EYS: variants seen among roughly 807,000 people sequenced by gnomAD.
EYS encodes the protein protein eyes shut homolog.
Under a neutral mutation model 282.1 loss-of-function variants are expected in EYS, and 250 were observed. The ratio of observed to expected loss-of-function variants is 0.89; its 90% CI spans 0.80 to 0.98. The LOEUF is 0.98. Ranked by LOEUF, EYS falls within the 50% of genes least tolerant of loss-of-function variation. EYS has a pLI of 0.00. For missense variants in EYS, 4,016 were observed against 3,709.0 expected (o/e 1.08, Z -2.15); for synonymous variants, 1,355 against 1,282.9 (o/e 1.06, Z -1.20).
At chr6:64,283,671 G>A (rs193099668) in intron 30 of EYS, among the ~76,000 whole-genome samples, 32 of 152,214 alleles carry the variant, frequency 2.1e-4, no homozygotes, top group East Asian at 9.7e-4. Flanking sequence ...GTATTAGTCC[G>A]TTTTCATGCT....
chr6:65,378,656 T>C (rs1765487386), intron 8 of EYS, among the ~76,000 whole-genome samples: 1 of 152,124 alleles, frequency 6.6e-6, no homozygotes, highest in African/African-American at 2.4e-5. Flanking sequence ...AATGATAGAC[T>C]GGATAAAGAA....
intron 19 of EYS, among the ~76,000 whole-genome samples, chr6:64,864,445 G>A (rs547387228): frequency 2.5e-4 from 32 of 127,810 alleles, no homozygotes; most frequent in Admixed American, 2.8e-4. Flanking sequence ...GAGTGCAGTG[G>A]TGCAATCTCG....
intron 39 of EYS, among the ~76,000 whole-genome samples, chr6:63,786,814 G>A (rs1288256140): frequency 2.6e-5 from 4 of 152,048 alleles, no homozygotes; most frequent in Non-Finnish European, 5.9e-5. Flanking sequence ...TCTTGGGTAG[G>A]GTTCAGAAAT....
In EYS at chr6:64,776,542, C is replaced by CT. The variant is rs944314416; in HGVS notation, c.3443+36835dup. Among the ~76,000 whole-genome samples, 13 of 151,548 alleles carry CT rather than the reference C, an allele frequency of 8.6e-5. No homozygotes were observed. In the East Asian group the frequency reaches 1.5e-3, roughly 18 times the overall value. Reference sequence around the variant, plus strand: ...TTCTTTGAAGGAAAAATTCTATTCCCTTTTTTTTGCTGACTACTGCTCTTT... The same window carrying CT: ...TTCTTTGAAGGAAAAATTCTATTCCCTTTTTTTTTGCTGACTACTGCTCTTT... On this transcript the variant is annotated intron_variant, in intron 22 of 42. Transcript: ENST00000503581.
At chr6:64,890,032 T>C (rs1767228681) in intron 18 of EYS, among the ~76,000 whole-genome samples, 1 of 117,590 alleles carries the variant, frequency 8.5e-6, no homozygotes, top group Non-Finnish European at 1.8e-5. Flanking sequence ...CCTGGAGGTA[T>C]AGGCCTATAA....
At chr6:64,012,510 T>G (rs1768685672) in intron 33 of EYS, among the ~76,000 whole-genome samples, 1 of 152,168 alleles carries the variant, frequency 6.6e-6, no homozygotes, top group Non-Finnish European at 1.5e-5. Context: ...ATCTAATTGA[T>G]AGCATTATTG....
chr6:64,484,149 T>C (rs1347798565), intron 26 of EYS, among the ~76,000 whole-genome samples: 3 of 151,628 alleles, frequency 2.0e-5, no homozygotes, highest in Non-Finnish European at 4.4e-5. Context: ...TTCCTGTTTA[T>C]AGATAGGCCA....
intron 36 of EYS, among the ~76,000 whole-genome samples, chr6:63,806,606 T>C (rs1770915768): frequency 6.6e-6 from 1 of 152,226 alleles, no homozygotes; most frequent in Middle Eastern, 3.2e-3. Flanking sequence ...TAGCATACTC[T>C]TTCTACATAA....
chr6:64,041,138 C>G (rs1385632883), intron 33 of EYS, among the ~76,000 whole-genome samples: 3 of 152,074 alleles, frequency 2.0e-5, no homozygotes, highest in Admixed American at 2.0e-4. Context: ...TGGAGCTTTG[C>G]CTCTTTAGAT....
intron 12 of EYS, among the ~76,000 whole-genome samples, chr6:65,173,636 C>A (rs1252117879): frequency 6.6e-6 from 1 of 150,784 alleles, no homozygotes; most frequent in African/African-American, 2.4e-5. Context: ...TTAAGCTTAT[C>A]ATTTTTCTTT....
chr6:64,789,090 A>G (rs1450561668), intron 22 of EYS, among the ~76,000 whole-genome samples: 1 of 152,168 alleles, frequency 6.6e-6, no homozygotes, highest in African/African-American at 2.4e-5. Flanking sequence ...GCTACTATAC[A>G]ATGTCAAGCC....
At chr6:64,002,009 C>T (rs973256553) in intron 33 of EYS, among the ~76,000 whole-genome samples, 1 of 152,196 alleles carries the variant, frequency 6.6e-6, no homozygotes, top group Non-Finnish European at 1.5e-5. Context: ...ACCACTCTGG[C>T]TCACCATGTC....
intron 26 of EYS, among the ~76,000 whole-genome samples, chr6:64,558,079 T>A (rs890699879): frequency 1.2e-4 from 18 of 152,208 alleles, no homozygotes; most frequent in Middle Eastern, 3.4e-3. Flanking sequence ...GAATTCTCTT[T>A]AACTTTTGAA....
At chr6:65,418,880 C>A (rs1767346676) in intron 5 of EYS, among the ~76,000 whole-genome samples, 1 of 151,910 alleles carries the variant, frequency 6.6e-6, no homozygotes, top group Non-Finnish European at 1.5e-5. Context: ...TGGTCTCAAG[C>A]CACAATAAGC....
intron 1 of EYS, among the ~76,000 whole-genome samples, chr6:65,699,836 C>T (rs1286576239): frequency 6.6e-6 from 1 of 152,044 alleles, no homozygotes; most frequent in African/African-American, 2.4e-5. Flanking sequence ...TAAAACAGGC[C>T]GGGCGCGGTG....
chr6:64,963,029 G>C (rs1008210909), intron 14 of EYS, among the ~76,000 whole-genome samples: 3 of 152,044 alleles, frequency 2.0e-5, no homozygotes, highest in Non-Finnish European at 1.5e-5. Flanking sequence ...GAACTTTTAT[G>C]GTAAAAGATA....
At chr6:64,694,993 C>T (rs1341765300) in intron 22 of EYS, among the ~76,000 whole-genome samples, 1 of 152,066 alleles carries the variant, frequency 6.6e-6, no homozygotes, top group East Asian at 1.9e-4. Flanking sequence ...GCCTGAGCTT[C>T]CCCTCTTTCC....
intron 31 of EYS, among the ~76,000 whole-genome samples, chr6:64,185,194 T>TCATAG (rs60048961): frequency 0.31 from 46,454 of 151,684 alleles, 7,135 homozygotes; most frequent in East Asian, 0.5. Flanking sequence ...AATAAATATG[T>TCATAG]CATAGCAGTC....
At chr6:64,459,620 C>A (rs1775677719) in intron 26 of EYS, among the ~76,000 whole-genome samples, 1 of 152,140 alleles carries the variant, frequency 6.6e-6, no homozygotes, top group Non-Finnish European at 1.5e-5. Flanking sequence ...TGGAAAATCA[C>A]TGGTGTAAGT....
Sources: gnomAD v4.1 joint callset for allele counts (sites outside exome capture counted in the v4.1 genomes callset) on GRCh38, gnomAD v4.1.1 for gene constraint, MANE v1.5 for transcripts, NCBI Gene and HGNC (gene_info 2026-07-23, HGNC 2026-07-21) for gene names.